The following HCN2 variants were observed in gnomAD, a reference collection of about 807,000 sequenced individuals.
HCN2 encodes the protein potassium/sodium hyperpolarization-activated cyclic nucleotide-gated channel 2.
HCN2 carries 20 observed loss-of-function variants against 52.3 expected under a neutral mutation model. The ratio of observed to expected loss-of-function variants is 0.38; its 90% CI spans 0.27 to 0.56. HCN2 has a LOEUF of 0.56. HCN2 is among the 20% of genes least tolerant of loss of function. The probability of loss-of-function intolerance (pLI) is 0.71; values close to 1 mark genes in which losing one functional copy is unlikely to be tolerated. For missense variants in HCN2, 981 were observed against 1,207.7 expected (o/e 0.81, Z 2.78); for synonymous variants, 694 against 537.0 (o/e 1.29, Z -4.04).
rs767504632 is a variant in HCN2, at chr19:610,173, T to TGGC, written c.1438-86_1438-85insGGC. The TGGC allele has an allele frequency of 6.7e-6, 10 of 1,497,490 alleles. No homozygotes were observed. In the African/African-American group the frequency reaches 8.8e-5, roughly 13 times the overall value. The allele number at this position is 1,497,490 out of a possible 1,614,324, so 92.8% of individuals were successfully genotyped here. A position where few individuals can be genotyped will look rare whatever the true frequency, so the allele number is the denominator to read the frequency against. ...GCTGGGGGCGGTGTCTGACCCAGCC[T>TGGC]CGCCTCCCCACAGTACAAGCAGGTG... On this transcript the variant is annotated intron_variant, in intron 4 of 7. Coordinates refer to ENST00000251287, the MANE Select transcript of HCN2 (RefSeq NM_001194.4).
In HCN2 at chr19:590,279, G is replaced by C. The variant is rs1468148526; in HGVS notation, c.334G>C (p.Ala112Pro). Residue 112 changes from alanine to proline, a missense_variant, in exon 1 of 8, where the codon GCG (alanine) becomes CCG (proline). This residue lies in a region of HCN2 where 215 missense variants were observed against 179.4 expected (regional missense o/e 1.20). Coordinates refer to ENST00000251287, the MANE Select transcript of HCN2 (RefSeq NM_001194.4). This position sits in a 1 kb window ranked among gnomAD's most constrained non-coding sequence, Gnocchi z 7.2. Reference sequence around the variant, plus strand: ...GCGCGGCGAGCCGCAGTGCAGCCCCGCGGGGCCCGAGGGCCCGGCGCGGGG... The same window carrying C: ...GCGCGGCGAGCCGCAGTGCAGCCCCCCGGGGCCCGAGGGCCCGGCGCGGGG... ...CGRGEPQCSPAGPEGPARGPK... is the reference protein window; with the variant it reads ...CGRGEPQCSPPGPEGPARGPK... 1.0e-6 allele frequency: 1 copy of C among 988,302 alleles called. No individual in the cohort carries two copies. The highest frequency in any genetic ancestry group is 1.2e-6 in the Non-Finnish European group (1 of 834,044). 61.2% of individuals were successfully genotyped at this position (988,302 alleles called of 1,614,324 possible).
At chr19:596,843 G>A (rs550339309) in intron 1 of HCN2, among the ~76,000 whole-genome samples, 140 of 152,204 alleles carry the variant, frequency 9.2e-4, no homozygotes, top group Non-Finnish European at 1.8e-3. Flanking sequence ...TCCCCAGGGC[G>A]AGAGGCAGGA....
rs200395634 is a variant in HCN2 at position 607,922 on chromosome 19, G to C, written c.1219-42G>C. 1.8e-4 allele frequency: 276 copies of C among 1,522,356 alleles called. No individual in the cohort carries two copies. In the African/African-American group the frequency reaches 3.2e-3, roughly 18 times the overall value. 94.3% of individuals were successfully genotyped at this position (1,522,356 alleles called of 1,614,324 possible). A position where few individuals can be genotyped will look rare whatever the true frequency, so the allele number is the denominator to read the frequency against. On this transcript the variant is annotated intron_variant, in intron 3 of 7. Coordinates refer to ENST00000251287, the MANE Select transcript of HCN2 (RefSeq NM_001194.4). ...CTTGAGGACCGAGGGCTCCTGGGGC[G>C]TGAGCACCTGCCCACCACCGCCCCT...
chr19:604,999 G>A (rs1983373111), intron 2 of HCN2, 62 bp from the exon 3 acceptor site: 2 of 1,539,970 alleles, frequency 1.3e-6, no homozygotes, highest in Non-Finnish European at 1.8e-6. Context: ...CACGGGGCTG[G>A]GGCTCTGAAG....
intron 6 of HCN2, 25 bp from the exon 7 acceptor site, chr19:613,827 A>G (rs759717734): frequency 3.3e-6 from 5 of 1,501,250 alleles, no homozygotes; most frequent in Non-Finnish European, 2.7e-6. Context: ...TCGTCCAGCA[A>G]CCCCCCCCTG....
chr19:615,759 C>T (rs200516656), intron 7 of HCN2, 36 bp from the exon 8 acceptor site: 2 of 1,603,682 alleles, frequency 1.2e-6, no homozygotes, highest in East Asian at 2.2e-5. Flanking sequence ...GCAGCAGGCG[C>T]TCCCTGTGCA....
intron 1 of HCN2, among the ~76,000 whole-genome samples, chr19:601,601 C>T (rs528143000): frequency 2.0e-4 from 30 of 150,926 alleles, no homozygotes; most frequent in African/African-American, 7.2e-4. Flanking sequence ...GGTGTGAACA[C>T]GGCGGGGTGC....
intron 6 of HCN2, 121 bp from the exon 7 acceptor site, chr19:613,731 G>GGCC: frequency 1.0e-6 from 1 of 967,392 alleles, no homozygotes. Flanking sequence ...CCGGCACCAG[G>GGCC]GAGAGCCTGG....
At chr19:610,550 T>TA (rs1983584843) in intron 5 of HCN2, 145 bp downstream of exon 5, 8 of 666,250 alleles carry the variant, frequency 1.2e-5, no homozygotes, top group Non-Finnish European at 1.8e-5. Context: ...GTACACACCC[T>TA]CCCCTCCCCG....
rs187405596 is a variant in HCN2 at position 611,884 on chromosome 19, G to A, written c.1585-1364G>A. ...CATATGGCCAGGCGTGGTGGCTCAC[G>A]CCTGTAATCCCAGCACTTTCAGAGG... On this transcript the variant is annotated intron_variant, in intron 5 of 7. Coordinates refer to ENST00000251287, the MANE Select transcript of HCN2 (RefSeq NM_001194.4). 2.7e-3 allele frequency among the ~76,000 whole-genome samples: 405 copies of A among 152,254 alleles called. 5 individuals carry two copies. Among genetic ancestry groups the A allele is most frequent in the Non-Finnish European group, 2.0e-3 (138 of 68,010 alleles).
rs1983306379 is a variant in HCN2, at chr19:603,978, G to A, written c.1056+11G>A. On this transcript the variant is annotated intron_variant, in intron 2 of 7. Transcript: ENST00000251287. ...CATCAGTGGGAGGAGGTGAGGTGGG[G>A]CGGGGGCGGGGCCAAGGCAGCAGGG... 3.1e-6 allele frequency: 5 copies of A among 1,590,614 alleles called. No individual in the cohort carries two copies. The highest frequency in any genetic ancestry group is 4.3e-6 in the Non-Finnish European group (5 of 1,171,098).
intron 1 of HCN2, among the ~76,000 whole-genome samples, chr19:601,050 C>T (rs553424693): frequency 2.6e-5 from 4 of 152,296 alleles, no homozygotes; most frequent in Admixed American, 2.6e-4. Context: ...CGCAGTGGCT[C>T]AGGCCGGTAA....
chr19:596,463 C>T (rs1170774329), intron 1 of HCN2, among the ~76,000 whole-genome samples: 1 of 152,240 alleles, frequency 6.6e-6, no homozygotes, highest in Non-Finnish European at 1.5e-5. Context: ...GAGCTGGTCT[C>T]CCTCCCTGCC....
chr19:594,999 G>A (rs1414687929), intron 1 of HCN2, among the ~76,000 whole-genome samples: 3 of 151,986 alleles, frequency 2.0e-5, no homozygotes, highest in East Asian at 1.9e-4. Context: ...CCAGGAGTTC[G>A]AGACCAGCCT....
chr19:612,705 A>G lies in HCN2; in HGVS notation c.1585-543A>G, dbSNP rs938635603. ...GCTGGGATTACAGGTGTGAGCCACCACGCCCGGCCTTATTTTTCCCCCATT... is the reference window on the plus strand; with the variant it reads ...GCTGGGATTACAGGTGTGAGCCACCGCGCCCGGCCTTATTTTTCCCCCATT... On this transcript the variant is annotated intron_variant, in intron 5 of 7. Coordinates refer to ENST00000251287, the MANE Select transcript of HCN2 (RefSeq NM_001194.4). Among the ~76,000 whole-genome samples the G allele has an allele frequency of 3.1e-4, 46 of 148,562 alleles. 2 individuals are homozygous for G. The East Asian group carries it at 5.7e-3, about 18-fold the overall frequency.
Position 605,305 on chromosome 19 carries a change from G to GTGGCGCGCTC in HCN2, c.1218+83_1218+84insTGGCGCGCTC, listed in dbSNP as rs1278807458. ...CCCAGGCCCCCTTATCCCGCTTACA[G>GTGGCGCGCTC]AGGGTTGAACCCAAGCCTTTCAGAG... On this transcript the variant is annotated intron_variant, in intron 3 of 7. Coordinates refer to ENST00000251287, the MANE Select transcript of HCN2 (RefSeq NM_001194.4). 9.9e-4 allele frequency: 1,356 copies of GTGGCGCGCTC among 1,369,440 alleles called. 2 individuals are homozygous for GTGGCGCGCTC. Among genetic ancestry groups the GTGGCGCGCTC allele is most frequent in the Non-Finnish European group, 1.2e-3 (1,216 of 1,003,496 alleles). The allele number at this position is 1,369,440 out of a possible 1,614,324, so 84.8% of individuals were successfully genotyped here.
intron 5 of HCN2, among the ~76,000 whole-genome samples, chr19:611,086 C>T (rs183722340): frequency 3.4e-4 from 52 of 152,232 alleles, no homozygotes; most frequent in Admixed American, 9.1e-4. Flanking sequence ...GGATCAGGGC[C>T]CACCCGGTTC....
At position 614,024 on chromosome 19, in the gene HCN2, G is replaced by A. The variant is rs1428408658; in HGVS notation, c.1990+8G>A. ...ACCGCCTGGACCGCATCGGTGAGCGGGCCGGGGGCGTGGCCGGGGCGGGTG... is the reference window on the plus strand; with the variant it reads ...ACCGCCTGGACCGCATCGGTGAGCGAGCCGGGGGCGTGGCCGGGGCGGGTG... On this transcript the variant is annotated splice_region_variant and intron_variant, in intron 7 of 7. Coordinates refer to ENST00000251287, the MANE Select transcript of HCN2 (RefSeq NM_001194.4). 1.3e-6 allele frequency: 2 copies of A among 1,568,942 alleles called. No individual in the cohort carries two copies. Among genetic ancestry groups the A allele is most frequent in the South Asian group, 1.2e-5 (1 of 85,850 alleles).
intron 4 of HCN2, among the ~76,000 whole-genome samples, chr19:609,465 G>C (rs1983533206): frequency 1.3e-5 from 2 of 152,366 alleles, no homozygotes; most frequent in South Asian, 4.1e-4. Flanking sequence ...AGGGTTGCTA[G>C]ATAAAGTTCA....
Sources: allele counts gnomAD v4.1 joint callset (sites outside exome capture counted in the v4.1 genomes callset), GRCh38; gene constraint gnomAD v4.1.1; regional missense constraint gnomAD v4.1.1; non-coding constraint Gnocchi (gnomAD v3.1); transcripts MANE v1.5; gene names NCBI Gene and HGNC (gene_info 2026-07-23, HGNC 2026-07-21).